SND1: variants seen among roughly 807,000 people sequenced by gnomAD.
SND1 encodes the protein staphylococcal nuclease domain-containing protein 1.
SND1 carries 38 observed loss-of-function variants against 121.7 expected under a neutral mutation model. The ratio of observed to expected loss-of-function variants is 0.31; its 90% CI spans 0.24 to 0.41. The LOEUF (loss-of-function observed/expected upper bound fraction) is 0.41. Ranked by LOEUF, SND1 falls within the 10% of genes least tolerant of loss-of-function variation. The probability of loss-of-function intolerance (pLI) is 1.00; values close to 1 mark genes in which losing one functional copy is unlikely to be tolerated. For missense variants in SND1, 868 were observed against 1,184.6 expected (o/e 0.73, Z 3.92); for synonymous variants, 401 against 447.4 (o/e 0.90, Z 1.31).
intron 10 of SND1, among the ~76,000 whole-genome samples, chr7:127,768,567 C>T (rs898541321): frequency 7.9e-5 from 12 of 152,112 alleles, no homozygotes; most frequent in East Asian, 1.9e-4. Context: ...AATTTAGAGA[C>T]GATGAGTCTT....
At chr7:127,929,443 C>T (rs1219931731) in intron 15 of SND1, 114 bp downstream of exon 15, 1 of 1,050,016 alleles carries the variant, frequency 9.5e-7, no homozygotes, top group Non-Finnish European at 1.4e-6. Context: ...GCATGCTCTT[C>T]CTCTCTGGTT....
At chr7:127,801,408 G>A (rs1041843289) in intron 10 of SND1, among the ~76,000 whole-genome samples, 5 of 151,896 alleles carry the variant, frequency 3.3e-5, no homozygotes, top group African/African-American at 1.2e-4. Context: ...TTCATCTATG[G>A]GTTTATTTCT....
chr7:127,919,793 A>C (rs1800659882), intron 14 of SND1, among the ~76,000 whole-genome samples: 1 of 152,174 alleles, frequency 6.6e-6, no homozygotes, highest in Non-Finnish European at 1.5e-5. Flanking sequence ...TTCTGTGTTT[A>C]TCTTTACCAG....
chr7:128,028,972 G>A (rs1792489470), intron 16 of SND1: 4 of 1,609,394 alleles, frequency 2.5e-6, no homozygotes, highest in Non-Finnish European at 3.4e-6. Context: ...ACTGTACTCC[G>A]CTGCTGGTGC....
rs377733861 is a variant in SND1, at chr7:128,029,644, T to C, written c.1779+38588T>C. 8 of 1,613,760 alleles carry C rather than the reference T, an allele frequency of 5.0e-6. No individual in the cohort carries two copies. The African/African-American group carries it at 9.3e-5, about 19-fold the overall frequency. On this transcript the variant is annotated intron_variant, in intron 16 of 23. Coordinates refer to ENST00000354725, the MANE Select transcript of SND1 (RefSeq NM_014390.4). This position sits in a 1 kb window ranked among gnomAD's most constrained non-coding sequence, Gnocchi z 4.2. Reference sequence around the variant, plus strand: ...ACGAGGTAGCGGCCTCGCATGTGCATGGGAGCATGACAGCGGCCACAGCAG... The same window carrying C: ...ACGAGGTAGCGGCCTCGCATGTGCACGGGAGCATGACAGCGGCCACAGCAG...
At position 128,065,365 on chromosome 7, in the gene SND1, G is replaced by A. The variant is rs527249237; in HGVS notation, c.1780-9137G>A. Among the ~76,000 whole-genome samples, 13 of 152,324 alleles carry A rather than the reference G, an allele frequency of 8.5e-5. No individual in the cohort carries two copies. In the East Asian group the frequency reaches 1.9e-3, roughly 23 times the overall value. On this transcript the variant is annotated intron_variant, in intron 16 of 23. Transcript: ENST00000354725. Reference sequence around the variant, plus strand: ...AGAATCAAGGTCCACAAAGCAGAGCGGACTGGCCCCATTGGGGGGGTCACA... The same window carrying A: ...AGAATCAAGGTCCACAAAGCAGAGCAGACTGGCCCCATTGGGGGGGTCACA...
chr7:127,844,252 C>A, intron 11 of SND1, 72 bp from the exon 12 acceptor site: 1 of 1,150,832 alleles, frequency 8.7e-7, no homozygotes, highest in Non-Finnish European at 1.3e-6. Context: ...CACAGTTGAG[C>A]AGGCACATGT....
At chr7:127,883,378 A>G (rs538307239) in intron 12 of SND1, among the ~76,000 whole-genome samples, 1 of 152,280 alleles carries the variant, frequency 6.6e-6, no homozygotes, top group South Asian at 2.1e-4. Flanking sequence ...ACCTCTAACA[A>G]TATTGGAAGT....
chr7:127,887,486 C>T (rs186047992), intron 12 of SND1, among the ~76,000 whole-genome samples: 68 of 152,170 alleles, frequency 4.5e-4, no homozygotes, highest in Non-Finnish European at 7.9e-4. Flanking sequence ...GTTGTTCTGT[C>T]GGCTAGAAAG....
intron 10 of SND1, among the ~76,000 whole-genome samples, chr7:127,735,385 C>T (rs1796757269): frequency 6.6e-6 from 1 of 152,044 alleles, no homozygotes; most frequent in Non-Finnish European, 1.5e-5. Flanking sequence ...ATATTTCCTA[C>T]AACCACTTTT....
chr7:128,032,289 C>T (rs1250650994), intron 16 of SND1, among the ~76,000 whole-genome samples: 1 of 151,038 alleles, frequency 6.6e-6, no homozygotes, highest in Non-Finnish European at 1.5e-5. Flanking sequence ...CTCCTTCCTT[C>T]CTCCTCTCTT....
At chr7:127,782,091 G>C (rs1797734392) in intron 10 of SND1, among the ~76,000 whole-genome samples, 1 of 152,182 alleles carries the variant, frequency 6.6e-6, no homozygotes, top group Non-Finnish European at 1.5e-5. Context: ...ATAGTTTCAT[G>C]CCCTGCCTGG....
chr7:127,738,247 C>T (rs966408758), intron 10 of SND1, among the ~76,000 whole-genome samples: 1 of 151,214 alleles, frequency 6.6e-6, no homozygotes, highest in Non-Finnish European at 1.5e-5. Flanking sequence ...CTGGAAGTCT[C>T]GCTCTGGCCT....
chr7:127,766,830 A>G (rs1191118099), intron 10 of SND1, among the ~76,000 whole-genome samples: 2 of 147,830 alleles, frequency 1.4e-5, no homozygotes, highest in African/African-American at 4.9e-5. Context: ...ACCGTCTCCC[A>G]GAATTGCTAT....
At chr7:127,796,135 A>G (rs555219760) in intron 10 of SND1, among the ~76,000 whole-genome samples, 1 of 151,782 alleles carries the variant, frequency 6.6e-6, no homozygotes, top group Non-Finnish European at 1.5e-5. Flanking sequence ...GATGTTTTCT[A>G]ATCTTTATTG....
intron 10 of SND1, among the ~76,000 whole-genome samples, chr7:127,736,788 G>C (rs1024535488): frequency 6.6e-6 from 1 of 152,182 alleles, no homozygotes; most frequent in Non-Finnish European, 1.5e-5. Context: ...TGCTGCTTCT[G>C]AAATAAAGGG....
intron 16 of SND1, chr7:128,028,572 CTT>C: frequency 9.4e-7 from 1 of 1,068,142 alleles, no homozygotes; most frequent in East Asian, 2.4e-5. Flanking sequence ...AGCCCATAGA[CTT>C]AATATATAAG....
chr7:128,020,797 G>A (rs758151866), intron 16 of SND1, among the ~76,000 whole-genome samples: 2 of 152,128 alleles, frequency 1.3e-5, no homozygotes, highest in East Asian at 1.9e-4. Flanking sequence ...GCACAGAATG[G>A]GCCAATGCCT....
intron 10 of SND1, among the ~76,000 whole-genome samples, chr7:127,777,763 A>G (rs1040649737): frequency 2.0e-5 from 3 of 151,294 alleles, no homozygotes; most frequent in African/African-American, 4.9e-5. Flanking sequence ...CTGGTGTCCA[A>G]CTCCTGGGTT....
Sources: allele counts gnomAD v4.1 joint callset (sites outside exome capture counted in the v4.1 genomes callset), GRCh38; gene constraint gnomAD v4.1.1; non-coding constraint Gnocchi (gnomAD v3.1); transcripts MANE v1.5; gene names NCBI Gene and HGNC (gene_info 2026-07-23, HGNC 2026-07-21).